Variants in RUFY2 observed in about 807,000 individuals in gnomAD.
RUFY2 encodes the protein RUN and FYVE domain-containing protein 2.
Under a neutral mutation model 94.4 loss-of-function variants are expected in RUFY2, and 49 were observed. That is an observed-to-expected ratio of 0.52 (90% confidence interval 0.41 to 0.66). The LOEUF (loss-of-function observed/expected upper bound fraction) is 0.66. RUFY2 is among the 30% of genes least tolerant of loss of function. The probability of loss-of-function intolerance (pLI) is 0.00; values close to 1 mark genes in which losing one functional copy is unlikely to be tolerated. For missense variants in RUFY2, 541 were observed against 692.8 expected (o/e 0.78, Z 2.46); for synonymous variants, 255 against 235.7 (o/e 1.08, Z -0.75).
At chr10:68,396,485 G>A (rs761373871) in intron 4 of RUFY2, among the ~76,000 whole-genome samples, 10 of 151,774 alleles carry the variant, frequency 6.6e-5, no homozygotes, top group African/African-American at 9.7e-5. Flanking sequence ...TATTATATAC[G>A]GCAGTTTCCA....
intron 16 of RUFY2, among the ~76,000 whole-genome samples, chr10:68,350,286 C>T (rs761111038): frequency 3.9e-5 from 6 of 152,176 alleles, no homozygotes; most frequent in Admixed American, 6.5e-5. Context: ...GCTGGGATTA[C>T]AGCCGTGAGC....
intron 1 of RUFY2, 43 bp from the exon 2 acceptor site, chr10:68,404,887 G>A (rs1186972746): frequency 5.5e-6 from 8 of 1,467,266 alleles, no homozygotes; most frequent in Non-Finnish European, 7.3e-6. Flanking sequence ...TGTAAGACAT[G>A]ACAATGAAAA....
intron 15 of RUFY2, 110 bp downstream of exon 15, chr10:68,363,480 T>C (rs897131675): frequency 1.5e-6 from 1 of 673,242 alleles, no homozygotes; most frequent in Non-Finnish European, 2.4e-6. Flanking sequence ...GCGCCCGGCC[T>C]AGTTCGTATC....
intron 16 of RUFY2, among the ~76,000 whole-genome samples, chr10:68,352,614 T>C (rs1199829468): frequency 6.6e-6 from 1 of 152,172 alleles, no homozygotes; most frequent in African/African-American, 2.4e-5. Context: ...AACTCAAATG[T>C]TATACAACTA....
chr10:68,355,016 T>C (rs2046946862), intron 16 of RUFY2, among the ~76,000 whole-genome samples: 1 of 152,040 alleles, frequency 6.6e-6, no homozygotes, highest in Admixed American at 6.6e-5. Flanking sequence ...TCAACAAATG[T>C]TTGTATTTTT....
rs753596095 is a variant in RUFY2 at position 68,381,411 on chromosome 10, A to G, written c.940-12T>C. 1.2e-6 allele frequency: 2 copies of G among 1,602,868 alleles called. No homozygotes were observed. Among genetic ancestry groups the G allele is most frequent in the Non-Finnish European group, 1.7e-6 (2 of 1,175,974 alleles). Reference sequence around the variant, plus strand: ...TCATTCTCTACATCCTGCAATTTCAATGTATCCTCAATTCACATGCCACTT... The same window carrying G: ...TCATTCTCTACATCCTGCAATTTCAGTGTATCCTCAATTCACATGCCACTT... On this transcript the variant is annotated splice_polypyrimidine_tract_variant and intron_variant, in intron 10 of 17. Transcript: ENST00000602465.
chr10:68,400,590 T>G (rs1371839484), intron 3 of RUFY2, among the ~76,000 whole-genome samples: 29 of 145,858 alleles, frequency 2.0e-4, no homozygotes, highest in African/African-American at 6.9e-4. Context: ...GCAGGAAAGT[T>G]GCTTGAACCC....
intron 8 of RUFY2, 74 bp from the exon 9 acceptor site, chr10:68,384,226 C>G: frequency 6.9e-7 from 1 of 1,451,546 alleles, no homozygotes; most frequent in Non-Finnish European, 9.0e-7. Flanking sequence ...ATGTGCATGG[C>G]CATAAACATC....
intron 16 of RUFY2, among the ~76,000 whole-genome samples, chr10:68,347,195 T>A (rs1055940553): frequency 1.3e-5 from 2 of 151,248 alleles, no homozygotes; most frequent in Non-Finnish European, 2.9e-5. Flanking sequence ...TCAACTTTTA[T>A]AACATATTTA....
At chr10:68,343,179 T>G (rs1162756), downstream of RUFY2, 3 of 152,294 alleles carry the variant, frequency 2.0e-5, no homozygotes, top group African/African-American at 7.2e-5. Context: ...ATAAATGTCA[T>G]TGTGGGAGAT....
intron 16 of RUFY2, among the ~76,000 whole-genome samples, chr10:68,351,422 C>G (rs375975881): frequency 6.6e-6 from 1 of 150,730 alleles, no homozygotes; most frequent in African/African-American, 2.4e-5. Context: ...AGGCGTGAGC[C>G]ACCACGCCCA....
rs1286880846 is a variant in RUFY2 at position 68,407,174 on chromosome 10, C to A, written c.4+12G>T. The A allele has an allele frequency of 1.4e-6, 2 of 1,453,646 alleles. No individual in the cohort carries two copies. Among genetic ancestry groups the A allele is most frequent in the Non-Finnish European group, 1.8e-6 (2 of 1,115,860 alleles). The allele number at this position is 1,453,646 out of a possible 1,614,324, so 90.0% of individuals were successfully genotyped here. A position where few individuals can be genotyped will look rare whatever the true frequency, so the allele number is the denominator to read the frequency against. On this transcript the variant is annotated intron_variant, in intron 1 of 17. Coordinates refer to ENST00000602465, the MANE Select transcript of RUFY2 (RefSeq NM_001330103.2). ...GAGGGCCTAGCGTTCGGTTTCGGCC[C>A]GCTCGCCTTACCCATGGCGGCGGCG...
rs1336442274 is a variant in RUFY2 at position 68,376,461 on chromosome 10, TATATATATATATATATATATATATATA to T, written c.1325+365_1325+391del. ...ATGTGTGTATATATATATATATATA[TATATATATATATATATATATATATATA>T]TATTCTCAGAAAACAGCATGTCCTT... On this transcript the variant is annotated intron_variant, in intron 13 of 17. Transcript: ENST00000602465. Among the ~76,000 whole-genome samples, 37 of 29,090 alleles carry T rather than the reference TATATATATATATATATATATATATATA, an allele frequency of 1.3e-3. 2 individuals carry two copies. The highest frequency in any genetic ancestry group is 9.7e-3 in the South Asian group (11 of 1,130). 19.1% of individuals were successfully genotyped at this position (29,090 alleles called of 152,430 possible).
chr10:68,379,747 T>G (rs768149426), intron 11 of RUFY2, among the ~76,000 whole-genome samples: 1 of 152,146 alleles, frequency 6.6e-6, no homozygotes, highest in Non-Finnish European at 1.5e-5. Flanking sequence ...GACTGTTACT[T>G]TGAAATGAAC....
intron 16 of RUFY2, among the ~76,000 whole-genome samples, chr10:68,353,331 G>GAA (rs372859135): frequency 1.8e-4 from 20 of 112,368 alleles, no homozygotes; most frequent in South Asian, 8.8e-4. Flanking sequence ...ACCCTGTCTC[G>GAA]AAAAAAAAAA....
intron 4 of RUFY2, among the ~76,000 whole-genome samples, chr10:68,396,111 G>A (rs1298512407): frequency 1.3e-5 from 2 of 152,168 alleles, no homozygotes; most frequent in East Asian, 1.9e-4. Context: ...TGATTCTCCT[G>A]CCTCAGCCTC....
intron 2 of RUFY2, among the ~76,000 whole-genome samples, chr10:68,403,397 G>A (rs151101577): frequency 1.3e-5 from 2 of 151,442 alleles, no homozygotes; most frequent in Non-Finnish European, 2.9e-5. Context: ...GATTACAGGC[G>A]AACACCACCA....
intron 3 of RUFY2, among the ~76,000 whole-genome samples, chr10:68,400,033 G>C (rs960435747): frequency 6.6e-6 from 1 of 152,124 alleles, no homozygotes; most frequent in African/African-American, 2.4e-5. Flanking sequence ...GCCCACCTCG[G>C]CCTCCCAAAG....
intron 16 of RUFY2, among the ~76,000 whole-genome samples, chr10:68,354,849 C>CTT (rs11314109): frequency 2.9e-5 from 4 of 140,128 alleles, no homozygotes; most frequent in African/African-American, 1.0e-4. Flanking sequence ...AGGTCAGTTT[C>CTT]TTTTTTTTTT....
Sources: gnomAD v4.1 joint callset for allele counts (sites outside exome capture counted in the v4.1 genomes callset) on GRCh38, gnomAD v4.1.1 for gene constraint, MANE v1.5 for transcripts, NCBI Gene and HGNC (gene_info 2026-07-23, HGNC 2026-07-21) for gene names.